The following ARSJ variants were observed in gnomAD, a reference collection of about 807,000 sequenced individuals.
ARSJ encodes the protein arylsulfatase family member J.
ARSJ carries 26 observed loss-of-function variants against 35.9 expected under a neutral mutation model. That is an observed-to-expected ratio of 0.72 (90% CI 0.53 to 1.00). The LOEUF (loss-of-function observed/expected upper bound fraction) is 1.00, where lower values mean the gene tolerates loss of function less well. Ranked by LOEUF, ARSJ falls within the 50% of genes least tolerant of loss-of-function variation. ARSJ has a pLI of 0.00. For synonymous variants in ARSJ, 294 were observed against 267.6 expected, an observed-to-expected ratio of 1.10 and a Z score of -0.96; for missense variants, 667 against 723.6, an observed-to-expected ratio of 0.92 and a Z score of 0.90.
intron 1 of ARSJ, among the ~76,000 whole-genome samples, chr4:113,971,704 T>C (rs1268513355): frequency 1.3e-5 from 2 of 152,236 alleles, no homozygotes. Context: ...AACATGTACA[T>C]TTTTCTAAAT....
chr4:113,947,677 T>G (rs1259365856), intron 1 of ARSJ, among the ~76,000 whole-genome samples: 1 of 151,938 alleles, frequency 6.6e-6, no homozygotes, highest in Non-Finnish European at 1.5e-5. Context: ...TTATCTTCAT[T>G]GGGTAGAGAA....
intron 1 of ARSJ, among the ~76,000 whole-genome samples, chr4:113,957,322 TTTC>T (rs1223540438): frequency 6.6e-6 from 1 of 152,038 alleles, no homozygotes; most frequent in Non-Finnish European, 1.5e-5. Context: ...ATGTTAGGGA[TTTC>T]TTCTTCTTTT....
intron 1 of ARSJ, among the ~76,000 whole-genome samples, chr4:113,935,219 T>C (rs1367342902): frequency 6.6e-6 from 1 of 151,928 alleles, no homozygotes; most frequent in Non-Finnish European, 1.5e-5. Context: ...GAAGGTGCTG[T>C]CTGTTATATC....
At chr4:113,953,484 T>G (rs1725985567) in intron 1 of ARSJ, among the ~76,000 whole-genome samples, 2 of 152,084 alleles carry the variant, frequency 1.3e-5, no homozygotes, top group Admixed American at 1.3e-4. Flanking sequence ...GTATGGCTTT[T>G]TAAAAGTTAT....
At chr4:113,936,565 T>C (rs1173595724) in intron 1 of ARSJ, among the ~76,000 whole-genome samples, 1 of 151,752 alleles carries the variant, frequency 6.6e-6, no homozygotes, top group African/African-American at 2.4e-5. Flanking sequence ...GAACTAAGTT[T>C]AAAAAAAATT....
intron 1 of ARSJ, among the ~76,000 whole-genome samples, chr4:113,945,360 A>C (rs1011366092): frequency 6.6e-6 from 1 of 151,828 alleles, no homozygotes; most frequent in African/African-American, 2.4e-5. Context: ...CTGGTATCAA[A>C]CTCCTGGGCT....
chr4:113,917,118 T>C (rs9917901), intron 1 of ARSJ, among the ~76,000 whole-genome samples: 113,712 of 151,994 alleles, frequency 0.75, 42,730 homozygotes, highest in East Asian at 0.81. Context: ...CCATTTTTGA[T>C]CACAGGTTTC....
At chr4:113,927,224 GAA>G (rs1724128327) in intron 1 of ARSJ, among the ~76,000 whole-genome samples, 1 of 152,122 alleles carries the variant, frequency 6.6e-6, no homozygotes, top group African/African-American at 2.4e-5. Flanking sequence ...CTTCACCTTA[GAA>G]GGAATATCGT....
intron 1 of ARSJ, among the ~76,000 whole-genome samples, chr4:113,926,649 G>A (rs536536392): frequency 6.6e-6 from 1 of 152,220 alleles, no homozygotes; most frequent in African/African-American, 2.4e-5. Flanking sequence ...ACCTACTAGA[G>A]CTAGATCATG....
intron 1 of ARSJ, among the ~76,000 whole-genome samples, chr4:113,964,783 G>A (rs116430381): frequency 1.3e-5 from 2 of 152,102 alleles, no homozygotes; most frequent in East Asian, 3.9e-4. Flanking sequence ...TATTGGAAAC[G>A]CAGAACCAAG....
chr4:113,939,812 T>C (rs1011533108), intron 1 of ARSJ, among the ~76,000 whole-genome samples: 4 of 152,128 alleles, frequency 2.6e-5, no homozygotes, highest in Non-Finnish European at 5.9e-5. Context: ...TTGTAGATTC[T>C]AGATATTAGC....
At chr4:113,932,325 C>T (rs577919892) in intron 1 of ARSJ, among the ~76,000 whole-genome samples, 30 of 152,038 alleles carry the variant, frequency 2.0e-4, no homozygotes, top group African/African-American at 6.3e-4. Flanking sequence ...AGAAAATCAA[C>T]AACAAAAAAA....
chr4:113,921,986 C>T (rs985268964), intron 1 of ARSJ, among the ~76,000 whole-genome samples: 1 of 152,134 alleles, frequency 6.6e-6, no homozygotes, highest in African/African-American at 2.4e-5. Flanking sequence ...CATGCTTGGA[C>T]AACATGGACA....
chr4:113,933,692 C>A (rs1041732265), intron 1 of ARSJ, among the ~76,000 whole-genome samples: 4 of 151,666 alleles, frequency 2.6e-5, no homozygotes, highest in Admixed American at 6.6e-5. Context: ...ATATGACAAA[C>A]CTTCACCAAA....
At chr4:113,934,760 C>T (rs1724664421) in intron 1 of ARSJ, among the ~76,000 whole-genome samples, 4 of 151,604 alleles carry the variant, frequency 2.6e-5, no homozygotes, top group African/African-American at 9.7e-5. Context: ...TTTCAGGGTA[C>T]ATGTGAAATT....
chr4:113,916,325 G>C (rs1354645280), intron 1 of ARSJ, among the ~76,000 whole-genome samples: 2 of 152,076 alleles, frequency 1.3e-5, no homozygotes, highest in Non-Finnish European at 2.9e-5. Context: ...GTGTAACCTT[G>C]AGCATGCCGC....
intron 1 of ARSJ, among the ~76,000 whole-genome samples, chr4:113,905,351 G>A (rs976172942): frequency 6.6e-6 from 1 of 152,164 alleles, no homozygotes; most frequent in African/African-American, 2.4e-5. Context: ...AGGCCAACAT[G>A]TTATACATGC....
At chr4:113,956,469 T>G (rs1371396526) in intron 1 of ARSJ, among the ~76,000 whole-genome samples, 1 of 152,014 alleles carries the variant, frequency 6.6e-6, no homozygotes, top group African/African-American at 2.4e-5. Flanking sequence ...CCATTTACTA[T>G]GTATCATATA....
At chr4:113,977,620 T>C (rs1727669613) in intron 1 of ARSJ, among the ~76,000 whole-genome samples, 1 of 152,218 alleles carries the variant, frequency 6.6e-6, no homozygotes, top group African/African-American at 2.4e-5. Context: ...TCCAAATCAA[T>C]TACAGTAGCC....
Sources: gnomAD v4.1 joint callset for allele counts (sites outside exome capture counted in the v4.1 genomes callset) on GRCh38, gnomAD v4.1.1 for gene constraint, MANE v1.5 for transcripts, NCBI Gene and HGNC (gene_info 2026-07-23, HGNC 2026-07-21) for gene names.